NEDD4L: variants seen among roughly 807,000 people sequenced by gnomAD.
NEDD4L encodes the protein NEDD4 like E3 ubiquitin protein ligase, also known as E3 ubiquitin-protein ligase NEDD4-like.
NEDD4L carries 54 observed loss-of-function variants against 148.9 expected under a neutral mutation model. That is an observed-to-expected ratio of 0.36 (90% confidence interval 0.29 to 0.45). The LOEUF is 0.45. Among genes scored for constraint, NEDD4L ranks in the 20% least tolerant of loss-of-function variants. The pLI, the probability that NEDD4L is intolerant of heterozygous loss-of-function variation, is 1.00. For missense variants in NEDD4L, 856 were observed against 1,233.8 expected (o/e 0.69, Z 4.59); for synonymous variants, 433 against 440.7 (o/e 0.98, Z 0.22).
intron 2 of NEDD4L, among the ~76,000 whole-genome samples, chr18:58,201,194 A>C (rs898715458): frequency 2.0e-5 from 3 of 152,074 alleles, no homozygotes; most frequent in Non-Finnish European, 4.4e-5. Context: ...TTAGCCAGGC[A>C]TGGTGGTGCC....
intron 1 of NEDD4L, among the ~76,000 whole-genome samples, chr18:58,087,257 C>T (rs1046149399): frequency 2.0e-5 from 3 of 152,194 alleles, no homozygotes; most frequent in Admixed American, 6.5e-5. Flanking sequence ...CAGGCAATGG[C>T]GTTGCTAAAC....
At chr18:58,233,567 A>G (rs2045521290) in intron 2 of NEDD4L, among the ~76,000 whole-genome samples, 3 of 152,268 alleles carry the variant, frequency 2.0e-5, no homozygotes, top group Admixed American at 2.0e-4. Flanking sequence ...TATAGGAGCT[A>G]CAATTTAAGA....
intron 5 of NEDD4L, among the ~76,000 whole-genome samples, chr18:58,292,522 A>C (rs1358538369): frequency 6.6e-6 from 1 of 152,004 alleles, no homozygotes; most frequent in Admixed American, 6.5e-5. Context: ...CACCCTAGTC[A>C]TGATCTCGCT....
intron 2 of NEDD4L, among the ~76,000 whole-genome samples, chr18:58,239,748 C>T (rs989771771): frequency 1.3e-5 from 2 of 152,176 alleles, no homozygotes; most frequent in Non-Finnish European, 2.9e-5. Context: ...CAGATGACCT[C>T]GTCTGCGCTG....
At chr18:58,200,805 G>T (rs2041307898) in intron 2 of NEDD4L, among the ~76,000 whole-genome samples, 5 of 152,168 alleles carry the variant, frequency 3.3e-5, no homozygotes, top group African/African-American at 1.2e-4. Flanking sequence ...CAATTTTGTT[G>T]TGAAAACAGA....
At chr18:58,138,045 A>G (rs192119183) in intron 1 of NEDD4L, among the ~76,000 whole-genome samples, 150 of 152,236 alleles carry the variant, frequency 9.9e-4, no homozygotes, top group African/African-American at 3.4e-3. Context: ...GTCTGCCATC[A>G]CCCAGCCCAT....
chr18:58,248,185 A>G (rs2047505739), intron 3 of NEDD4L, among the ~76,000 whole-genome samples: 1 of 152,204 alleles, frequency 6.6e-6, no homozygotes, highest in South Asian at 2.1e-4. Flanking sequence ...TCCTTCCTAG[A>G]ACATGCTTCC....
intron 1 of NEDD4L, among the ~76,000 whole-genome samples, chr18:58,158,915 T>TGAGA (rs148653059): frequency 5.3e-5 from 8 of 151,886 alleles, no homozygotes; most frequent in Admixed American, 4.6e-4. Flanking sequence ...TGTAAGCTCC[T>TGAGA]GAGAGAGAGA....
rs184037738 is a variant in NEDD4L, at chr18:58,181,545, C to T, written c.122+15684C>T. Among the ~76,000 whole-genome samples, 290 of 152,198 alleles carry T rather than the reference C, an allele frequency of 1.9e-3. 4 individuals carry two copies. Among genetic ancestry groups the T allele is most frequent in the Admixed American group, 9.8e-4 (15 of 15,286 alleles). On this transcript the variant is annotated intron_variant, in intron 2 of 30. Coordinates refer to ENST00000400345, the MANE Select transcript of NEDD4L (RefSeq NM_001144967.3). ...CTCTTGGGCTCAGGCAACCTTCCCACGTTAGACTCCCAAATAGCTAGACCA... is the reference window on the plus strand; with the variant it reads ...CTCTTGGGCTCAGGCAACCTTCCCATGTTAGACTCCCAAATAGCTAGACCA...
In NEDD4L at chr18:58,335,459, T is replaced by G; in HGVS notation, c.1066-19T>G. ...TCATCCCCTAAGTGCATTTCACTGA[T>G]GTAAATTATCATTCACAGCCCAGTG... On this transcript the variant is annotated intron_variant, in intron 12 of 30. Transcript: ENST00000400345. 6.2e-7 allele frequency: 1 copy of G among 1,609,912 alleles called. No individual in the cohort carries two copies. Among genetic ancestry groups the G allele is most frequent in the Non-Finnish European group, 8.5e-7 (1 of 1,176,272 alleles).
intron 1 of NEDD4L, among the ~76,000 whole-genome samples, chr18:58,139,804 A>AC (rs1283208986): frequency 2.6e-5 from 4 of 152,024 alleles, no homozygotes; most frequent in Non-Finnish European, 5.9e-5. Context: ...CCACCGTAGA[A>AC]CCCCCTAAAA....
chr18:58,369,811 G>A (rs529579187), intron 22 of NEDD4L, among the ~76,000 whole-genome samples: 3 of 152,310 alleles, frequency 2.0e-5, no homozygotes, highest in South Asian at 2.1e-4. Flanking sequence ...GGCCTCTGCC[G>A]TCCCTCCGCG....
intron 1 of NEDD4L, among the ~76,000 whole-genome samples, chr18:58,115,773 C>T (rs524815): frequency 0.4 from 61,272 of 151,946 alleles, 12,716 homozygotes; most frequent in South Asian, 0.52. Flanking sequence ...GAGCACTTCC[C>T]GGAATATTAT....
intron 1 of NEDD4L, among the ~76,000 whole-genome samples, chr18:58,071,285 C>T (rs887495208): frequency 3.3e-5 from 5 of 152,030 alleles, no homozygotes; most frequent in African/African-American, 1.2e-4. Context: ...CACTGTACTC[C>T]AGTCTGGGTG....
intron 5 of NEDD4L, among the ~76,000 whole-genome samples, chr18:58,277,189 C>A (rs2052232968): frequency 6.6e-6 from 1 of 151,772 alleles, no homozygotes; most frequent in South Asian, 2.1e-4. Flanking sequence ...TGCCTCAGAA[C>A]TTTGATTTGA....
intron 2 of NEDD4L, among the ~76,000 whole-genome samples, chr18:58,173,018 A>G (rs1321879859): frequency 6.6e-6 from 1 of 152,216 alleles, no homozygotes; most frequent in African/African-American, 2.4e-5. Context: ...AGTATCATCA[A>G]CTATTACTAG....
rs367894757 is a variant in NEDD4L at position 58,086,677 on chromosome 18, A to T, written c.48+41969A>T. ...TACTTGACTTTCTTCACTATTTTCT[A>T]TTCAAAAAAGTATTTTTGAATCCAA... On this transcript the variant is annotated intron_variant, in intron 1 of 30. Transcript: ENST00000400345. Among the ~76,000 whole-genome samples the T allele has an allele frequency of 1.1e-3, 167 of 152,340 alleles. 1 individual carries two copies. Among genetic ancestry groups the T allele is most frequent in the African/African-American group, 3.9e-3 (161 of 41,582 alleles).
chr18:58,266,501 T>A (rs1034718146), intron 5 of NEDD4L, among the ~76,000 whole-genome samples: 1 of 152,130 alleles, frequency 6.6e-6, no homozygotes, highest in Admixed American at 6.5e-5. Context: ...TGGGTTTGTA[T>A]CTCTGTAGAA....
chr18:58,107,207 AC>A (rs968896249), intron 1 of NEDD4L, among the ~76,000 whole-genome samples: 2 of 151,994 alleles, frequency 1.3e-5, no homozygotes, highest in Non-Finnish European at 2.9e-5. Context: ...TCCTTTAAAA[AC>A]CCTGACTCCT....
Sources: gnomAD v4.1 joint callset for allele counts (sites outside exome capture counted in the v4.1 genomes callset) on GRCh38, gnomAD v4.1.1 for gene constraint, MANE v1.5 for transcripts, NCBI Gene and HGNC (gene_info 2026-07-23, HGNC 2026-07-21) for gene names.